KCMF1: variants seen among roughly 807,000 people sequenced by gnomAD.
KCMF1 encodes the protein E3 ubiquitin-protein ligase KCMF1.
KCMF1 carries 3 observed loss-of-function variants against 41.1 expected under a neutral mutation model. The ratio of observed to expected loss-of-function variants is 0.07; its 90% CI spans 0.03 to 0.19. The LOEUF is 0.19. Ranked by LOEUF, KCMF1 falls within the 10% of genes least tolerant of loss-of-function variation. The probability of loss-of-function intolerance (pLI) is 1.00; values close to 1 mark genes in which losing one functional copy is unlikely to be tolerated. For synonymous variants in KCMF1, 142 were observed against 164.5 expected (o/e 0.86, Z 1.04); for missense variants, 286 against 488.9 (o/e 0.58, Z 3.91).
intron 1 of KCMF1, among the ~76,000 whole-genome samples, chr2:84,976,246 G>A (rs1039471397): frequency 6.5e-5 from 9 of 138,604 alleles, no homozygotes; most frequent in African/African-American, 2.5e-4. Flanking sequence ...TCGCTCTGTC[G>A]CCCAGGCTGG....
intron 3 of KCMF1, among the ~76,000 whole-genome samples, chr2:85,037,757 C>G (rs1461035303): frequency 6.6e-6 from 1 of 152,176 alleles, no homozygotes; most frequent in Non-Finnish European, 1.5e-5. Context: ...TGCATGTGTC[C>G]TCTAGACCAG....
At chr2:84,989,171 C>G (rs182121956) in intron 1 of KCMF1, among the ~76,000 whole-genome samples, 62 of 151,850 alleles carry the variant, frequency 4.1e-4, no homozygotes, top group African/African-American at 1.5e-3. Flanking sequence ...GTGCTGGGCA[C>G]TGGTGACAAA....
Position 85,056,602 on chromosome 2 carries a change from G to A in KCMF1, c.*3193G>A, listed in dbSNP as rs1049288535. 5.9e-5 allele frequency: 9 copies of A among 152,206 alleles called. No homozygotes were observed. Among genetic ancestry groups the A allele is most frequent in the Admixed American group, 5.2e-4 (8 of 15,270 alleles). 9.4% of individuals were successfully genotyped at this position (152,206 alleles called of 1,614,324 possible). On this transcript the variant is annotated 3_prime_UTR_variant, in exon 7 of 7. Coordinates refer to ENST00000409785, the MANE Select transcript of KCMF1 (RefSeq NM_020122.5). ...GTTGGGGGGTAGAAGGAGAATACTA[G>A]AGAGGTTACGGTAGCAGGTGGCTGC...
At chr2:85,027,743 A>G (rs1675148415) in intron 1 of KCMF1, 146 bp from the exon 2 acceptor site, 2 of 601,420 alleles carry the variant, frequency 3.3e-6, no homozygotes, top group East Asian at 5.6e-5. Flanking sequence ...GCACATGGCT[A>G]AAACTTCCCG....
At position 84,971,482 on chromosome 2, in the gene KCMF1, C is replaced by A. The variant is rs1240337463; in HGVS notation, c.16+15C>A. The A allele has an allele frequency of 3.2e-6, 4 of 1,250,032 alleles. No homozygotes were observed. The South Asian group carries it at 5.8e-5, about 18-fold the overall frequency. The allele number at this position is 1,250,032 out of a possible 1,614,324, so 77.4% of individuals were successfully genotyped here. A position where few individuals can be genotyped will look rare whatever the true frequency, so the allele number is the denominator to read the frequency against. Reference sequence around the variant, plus strand: ...CCGACATGAAGGTGAGAGGAGCCCCCGCCCCCACCCGCACCTCCCGGGCCT... The same window carrying A: ...CCGACATGAAGGTGAGAGGAGCCCCAGCCCCCACCCGCACCTCCCGGGCCT... On this transcript the variant is annotated intron_variant, in intron 1 of 6. Transcript: ENST00000409785.
chr2:84,995,369 C>A (rs1357750205), intron 1 of KCMF1, among the ~76,000 whole-genome samples: 2 of 152,138 alleles, frequency 1.3e-5, no homozygotes, highest in Non-Finnish European at 2.9e-5. Flanking sequence ...TTCAGAGTTT[C>A]AGGGTATCAG....
chr2:85,043,507 A>G, intron 3 of KCMF1, 57 bp from the exon 4 acceptor site: 1 of 982,610 alleles, frequency 1.0e-6, no homozygotes, highest in East Asian at 2.5e-5. Flanking sequence ...ATACTCGTCC[A>G]GAAAGATGTC....
At chr2:84,998,932 A>T (rs894673049) in intron 1 of KCMF1, among the ~76,000 whole-genome samples, 1 of 85,838 alleles carries the variant, frequency 1.2e-5, no homozygotes. Context: ...CTATCTATCT[A>T]TCTATCTATC....
intron 2 of KCMF1, among the ~76,000 whole-genome samples, chr2:85,034,151 C>A (rs751406061): frequency 6.6e-6 from 1 of 152,048 alleles, no homozygotes; most frequent in Non-Finnish European, 1.5e-5. Flanking sequence ...CTGTGATCAT[C>A]CAGCCTGTGC....
In KCMF1 at chr2:85,018,267, A is replaced by ATTT. The variant is rs373718008; in HGVS notation, c.17-9602_17-9600dup. On this transcript the variant is annotated intron_variant, in intron 1 of 6. Coordinates refer to ENST00000409785, the MANE Select transcript of KCMF1 (RefSeq NM_020122.5). The stretch of plus-strand genomic sequence containing the variant: ...TTATGACACAGTATGACTAAGCTAG[A>ATTT]TTTTTTTTTTTTTTTTTTTTTTGAG... 7.7e-4 allele frequency among the ~76,000 whole-genome samples: 98 copies of ATTT among 126,870 alleles called. 2 individuals are homozygous for ATTT. Among genetic ancestry groups the ATTT allele is most frequent in the East Asian group, 2.3e-3 (9 of 3,950 alleles). The allele number at this position is 126,870 out of a possible 152,430, so 83.2% of individuals were successfully genotyped here. A position where few individuals can be genotyped will look rare whatever the true frequency, so the allele number is the denominator to read the frequency against.
chr2:84,989,540 G>A (rs1673986857), intron 1 of KCMF1, among the ~76,000 whole-genome samples: 1 of 152,184 alleles, frequency 6.6e-6, no homozygotes, highest in Admixed American at 6.5e-5. Context: ...GATCTGCAGG[G>A]AGGAAGGTAT....
intron 1 of KCMF1, among the ~76,000 whole-genome samples, chr2:85,016,030 A>G (rs1410825669): frequency 6.6e-6 from 1 of 152,218 alleles, no homozygotes; most frequent in Non-Finnish European, 1.5e-5. Flanking sequence ...TACCTGGAAA[A>G]AAAAAGTAGA....
At chr2:85,045,887 A>G (rs1022629578) in intron 4 of KCMF1, among the ~76,000 whole-genome samples, 2 of 151,848 alleles carry the variant, frequency 1.3e-5, no homozygotes, top group Non-Finnish European at 2.9e-5. Context: ...CACACACCCA[A>G]TACACACACA....
intron 1 of KCMF1, among the ~76,000 whole-genome samples, chr2:85,014,546 CT>C (rs1436483139): frequency 6.6e-6 from 1 of 151,582 alleles, no homozygotes; most frequent in African/African-American, 2.4e-5. Context: ...CTTAAAAGGG[CT>C]TTTCTTTTTT....
At position 85,017,189 on chromosome 2, in the gene KCMF1, T is replaced by C. The variant is rs528357057; in HGVS notation, c.17-10700T>C. Among the ~76,000 whole-genome samples, 5 of 151,482 alleles carry C rather than the reference T, an allele frequency of 3.3e-5. No individual in the cohort carries two copies. The South Asian group carries it at 6.3e-4, about 19-fold the overall frequency. ...ACAGGCGCCCGCCACTGCGCCCGGC[T>C]AATTTTTTTTGTATTTTTAGTAGAG... On this transcript the variant is annotated intron_variant, in intron 1 of 6. Coordinates refer to ENST00000409785, the MANE Select transcript of KCMF1 (RefSeq NM_020122.5).
chr2:85,010,743 C>T (rs748574238), intron 1 of KCMF1, among the ~76,000 whole-genome samples: 7 of 152,136 alleles, frequency 4.6e-5, no homozygotes, highest in Non-Finnish European at 7.3e-5. Context: ...GTCTCTACCA[C>T]TAGGAAGATT....
intron 1 of KCMF1, among the ~76,000 whole-genome samples, chr2:85,013,327 G>A (rs369703036): frequency 9.2e-5 from 14 of 152,130 alleles, no homozygotes; most frequent in African/African-American, 3.1e-4. Context: ...ACAATGAGCT[G>A]TCATGTGCCT....
chr2:85,005,291 T>C (rs934530431), intron 1 of KCMF1, among the ~76,000 whole-genome samples: 8 of 151,708 alleles, frequency 5.3e-5, no homozygotes, highest in African/African-American at 1.9e-4. Context: ...TTTATTTATT[T>C]ATTTATTTTT....
At chr2:84,988,438 T>C (rs1673955879) in intron 1 of KCMF1, among the ~76,000 whole-genome samples, 1 of 152,228 alleles carries the variant, frequency 6.6e-6, no homozygotes, top group Admixed American at 6.5e-5. Context: ...TGTATCATTA[T>C]CTCAGTTTTA....
Sources: allele counts gnomAD v4.1 joint callset (sites outside exome capture counted in the v4.1 genomes callset), GRCh38; gene constraint gnomAD v4.1.1; transcripts MANE v1.5; gene names NCBI Gene and HGNC (gene_info 2026-07-23, HGNC 2026-07-21).